Variants in ASH1L observed in about 807,000 individuals in gnomAD.
ASH1L encodes the protein ASH1 like histone lysine methyltransferase.
ASH1L carries 23 observed loss-of-function variants against 269.0 expected under a neutral mutation model. That is an observed-to-expected ratio of 0.09 (90% CI 0.06 to 0.12). The LOEUF is 0.12. Ranked by LOEUF, ASH1L falls within the 10% of genes least tolerant of loss-of-function variation. The pLI, the probability that ASH1L is intolerant of heterozygous loss-of-function variation, is 1.00. For synonymous variants in ASH1L, 1,187 were observed against 1,253.5 expected (o/e 0.95, Z 1.12); for missense variants, 2,912 against 3,567.8 (o/e 0.82, Z 4.68).
intron 5 of ASH1L, among the ~76,000 whole-genome samples, chr1:155,425,880 AT>A (rs1201656944): frequency 2.1e-5 from 3 of 139,772 alleles, no homozygotes; most frequent in African/African-American, 5.1e-5. Context: ...GCCTGGCCTA[AT>A]TTTTTTTGTG....
intron 3 of ASH1L, among the ~76,000 whole-genome samples, chr1:155,476,863 G>C (rs907485400): frequency 6.6e-6 from 1 of 151,748 alleles, no homozygotes; most frequent in African/African-American, 2.4e-5. Context: ...TAATGCACAA[G>C]TTTTTAATCT....
At chr1:155,536,272 T>C (rs1670049843) in intron 1 of ASH1L, among the ~76,000 whole-genome samples, 1 of 152,168 alleles carries the variant, frequency 6.6e-6, no homozygotes, top group Non-Finnish European at 1.5e-5. Context: ...GTACGCAGAC[T>C]GAGAGGGCAT....
chr1:155,355,547 C>T (rs1654300566), intron 15 of ASH1L, among the ~76,000 whole-genome samples: 1 of 152,082 alleles, frequency 6.6e-6, no homozygotes, highest in Non-Finnish European at 1.5e-5. Flanking sequence ...CATTGGAATC[C>T]CCTGGGAGAC....
In ASH1L at chr1:155,439,024, C is replaced by G. The variant is rs762967225; in HGVS notation, c.5131G>C (p.Asp1711His). Residue 1711 changes from aspartate (D) to histidine (H), a missense_variant, in exon 5 of 28, where the codon GAT (aspartate) becomes CAT (histidine). Asp to His is a moderately conservative substitution (Grantham distance 81). Around this residue, in one of 13 missense-constraint regions of ASH1L, gnomAD observed 789 missense variants for 897.6 expected, o/e 0.88. Transcript: ENST00000392403. ...TGCAGCAGACTATCCACAGAGTCATCCCCAGAAGCAACTAATCTTGGACTT... is the reference window on the plus strand; with the variant it reads ...TGCAGCAGACTATCCACAGAGTCATGCCCAGAAGCAACTAATCTTGGACTT... ...SRSPRLVASG[D>H]DSVDSLLQRM... is the part of the protein sequence containing the mutation. 180 of 1,612,802 alleles carry G rather than the reference C, an allele frequency of 1.1e-4. No individual in the cohort carries two copies. The highest frequency in any genetic ancestry group is 1.3e-4 in the Non-Finnish European group (159 of 1,179,506).
chr1:155,537,175 T>C (rs985998716), intron 1 of ASH1L, among the ~76,000 whole-genome samples: 2 of 152,220 alleles, frequency 1.3e-5, no homozygotes, highest in African/African-American at 2.4e-5. Flanking sequence ...GCCTAGAGTT[T>C]AAAGCTGATA....
At chr1:155,397,268 G>C (rs946758465) in intron 6 of ASH1L, among the ~76,000 whole-genome samples, 2 of 152,006 alleles carry the variant, frequency 1.3e-5, no homozygotes, top group African/African-American at 4.8e-5. Flanking sequence ...AGGCCAAGGC[G>C]GGTGGATCAC....
intron 6 of ASH1L, among the ~76,000 whole-genome samples, chr1:155,406,275 A>AT (rs1272529427): frequency 6.6e-6 from 1 of 151,902 alleles, no homozygotes; most frequent in Non-Finnish European, 1.5e-5. Flanking sequence ...TTCCAGTTGC[A>AT]TTTTTTGCAG....
At position 155,562,364 on chromosome 1, in the gene ASH1L, G is replaced by C. The variant is rs771670003; in HGVS notation, c.-311C>G. The C allele has an allele frequency of 1.5e-5, 23 of 1,522,924 alleles. No individual in the cohort carries two copies. Among genetic ancestry groups the C allele is most frequent in the Middle Eastern group, 3.4e-4 (2 of 5,948 alleles). The allele number at this position is 1,522,924 out of a possible 1,614,324, so 94.3% of individuals were successfully genotyped here. A position where few individuals can be genotyped will look rare whatever the true frequency, so the allele number is the denominator to read the frequency against. The stretch of plus-strand genomic sequence containing the variant: ...AAGGGGGCAAACTGAGGGGAGGCGG[G>C]TCCCGCAACCGAGACTGGGATCGTC... On this transcript the variant is annotated 5_prime_UTR_variant, in exon 1 of 28. Transcript: ENST00000392403.
At chr1:155,461,068 TAAA>T (rs1664264841) in intron 3 of ASH1L, among the ~76,000 whole-genome samples, 1 of 152,022 alleles carries the variant, frequency 6.6e-6, no homozygotes, top group African/African-American at 2.4e-5. Flanking sequence ...AAATTACAAA[TAAA>T]AAAACTTACA....
At chr1:155,445,722 G>A (rs1395846256) in intron 4 of ASH1L, among the ~76,000 whole-genome samples, 1 of 152,102 alleles carries the variant, frequency 6.6e-6, no homozygotes, top group African/African-American at 2.4e-5. Context: ...TCTGGAGAAA[G>A]GTGACATCTC....
intron 24 of ASH1L, 90 bp from the exon 25 acceptor site, chr1:155,342,192 G>T: frequency 8.0e-7 from 1 of 1,251,258 alleles, no homozygotes; most frequent in Non-Finnish European, 1.2e-6. Flanking sequence ...TGGGAGAGCA[G>T]CTAGACCCTT....
At chr1:155,513,468 G>C (rs71628669) in intron 2 of ASH1L, among the ~76,000 whole-genome samples, 1 of 151,566 alleles carries the variant, frequency 6.6e-6, no homozygotes, top group African/African-American at 2.4e-5. Flanking sequence ...CTACTCAAGA[G>C]GCTGAGATGG....
At chr1:155,420,479 T>C (rs1160502351) in intron 5 of ASH1L, among the ~76,000 whole-genome samples, 4 of 149,060 alleles carry the variant, frequency 2.7e-5, no homozygotes, top group Non-Finnish European at 5.9e-5. Context: ...TATAATAAAG[T>C]ACAAATTTAA....
chr1:155,342,237 A>T (rs1570941689), intron 24 of ASH1L, 135 bp from the exon 25 acceptor site: 11 of 748,516 alleles, frequency 1.5e-5, no homozygotes, highest in Non-Finnish European at 2.2e-5. Flanking sequence ...GAGAGGCAGG[A>T]CAACTAAGCA....
In ASH1L at chr1:155,562,454, A is replaced by T; in HGVS notation, c.-401T>A. On this transcript the variant is annotated 5_prime_UTR_variant, in exon 1 of 28. Coordinates refer to ENST00000392403, the MANE Select transcript of ASH1L (RefSeq NM_018489.3). ...GCGGCGGCGGCGGCGGCAGCAGCAG[A>T]GTGGCGGCGGTGGCGGCGGCAGCTC... The T allele has an allele frequency of 2.7e-6, 4 of 1,464,068 alleles. No individual in the cohort carries two copies. Among genetic ancestry groups the T allele is most frequent in the Non-Finnish European group, 3.7e-6 (4 of 1,080,196 alleles). The allele number at this position is 1,464,068 out of a possible 1,614,324, so 90.7% of individuals were successfully genotyped here. A position where few individuals can be genotyped will look rare whatever the true frequency, so the allele number is the denominator to read the frequency against.
chr1:155,459,250 C>G (rs188407376), intron 4 of ASH1L, among the ~76,000 whole-genome samples: 12 of 152,018 alleles, frequency 7.9e-5, no homozygotes, highest in Admixed American at 2.6e-4. Context: ...GGCTGGAAAG[C>G]AGTGGAGTGA....
At chr1:155,484,064 T>C (rs964773481) in intron 2 of ASH1L, among the ~76,000 whole-genome samples, 17 of 152,180 alleles carry the variant, frequency 1.1e-4, no homozygotes, top group Non-Finnish European at 2.2e-4. Flanking sequence ...TAGTGACTTA[T>C]GGGAAAGTAA....
intron 1 of ASH1L, among the ~76,000 whole-genome samples, chr1:155,532,161 G>T (rs1024705983): frequency 6.6e-6 from 1 of 152,116 alleles, no homozygotes; most frequent in African/African-American, 2.4e-5. Flanking sequence ...GCAATTTTGG[G>T]ATTTATGTTT....
intron 25 of ASH1L, among the ~76,000 whole-genome samples, chr1:155,340,346 CTAATTT>C (rs1218880692): frequency 3.4e-4 from 51 of 152,050 alleles, no homozygotes; most frequent in Admixed American, 1.3e-4. Flanking sequence ...CCATGCCCGG[CTAATTT>C]TTGTATTTTT....
Sources: gnomAD v4.1 joint callset for allele counts (sites outside exome capture counted in the v4.1 genomes callset) on GRCh38, gnomAD v4.1.1 for gene constraint, gnomAD v4.1.1 regional missense constraint, MANE v1.5 for transcripts, NCBI Gene and HGNC (gene_info 2026-07-23, HGNC 2026-07-21) for gene names.